Variants in ADAMTS17 observed in about 807,000 individuals in gnomAD.
ADAMTS17 encodes the protein A disintegrin and metalloproteinase with thrombospondin motifs 17.
A neutral mutation model predicts 141.5 loss-of-function variants in ADAMTS17; 113 were observed. That is an observed-to-expected ratio of 0.80 (90% CI 0.69 to 0.93). The LOEUF is 0.93. Among genes scored for constraint, ADAMTS17 ranks in the 40% least tolerant of loss-of-function variants. The probability of loss-of-function intolerance (pLI) is 0.00; values close to 1 mark genes in which losing one functional copy is unlikely to be tolerated. For synonymous variants in ADAMTS17, 768 were observed against 630.6 expected (o/e 1.22, Z -3.27); for missense variants, 1,659 against 1,517.9 (o/e 1.09, Z -1.54).
chr15:100,046,162 T>A (rs1226788199), intron 18 of ADAMTS17, among the ~76,000 whole-genome samples: 2 of 152,232 alleles, frequency 1.3e-5, no homozygotes, highest in Non-Finnish European at 2.9e-5. Flanking sequence ...ATTACAGGTG[T>A]GTGCCCCCTC....
At chr15:100,336,685 T>C (rs2046216855) in intron 2 of ADAMTS17, among the ~76,000 whole-genome samples, 1 of 152,200 alleles carries the variant, frequency 6.6e-6, no homozygotes, top group Non-Finnish European at 1.5e-5. Context: ...TTGACAAGAC[T>C]AACTCCTACT....
intron 20 of ADAMTS17, among the ~76,000 whole-genome samples, chr15:99,984,040 A>G (rs1249799080): frequency 6.6e-6 from 1 of 152,168 alleles, no homozygotes; most frequent in Non-Finnish European, 1.5e-5. Context: ...GCTGGGAAAC[A>G]GGAAATGCTT....
chr15:100,003,730 T>G (rs8032785), intron 18 of ADAMTS17, among the ~76,000 whole-genome samples: 1,693 of 152,238 alleles, frequency 0.011, 64 homozygotes, highest in African/African-American at 0.039. Context: ...TGCTACAACA[T>G]GGATGAGCTT....
At chr15:99,976,727 G>A in intron 20 of ADAMTS17, 1 of 208,692 alleles carries the variant, frequency 4.8e-6, no homozygotes. Flanking sequence ...CTGTAAATCG[G>A]GGAGGGTCTT....
At chr15:100,286,977 C>T (rs2044467639) in intron 3 of ADAMTS17, among the ~76,000 whole-genome samples, 1 of 152,222 alleles carries the variant, frequency 6.6e-6, no homozygotes, top group South Asian at 2.1e-4. Flanking sequence ...ATCACAAGGT[C>T]AAGAGATCGA....
At chr15:100,270,815 A>G (rs2043882376) in intron 4 of ADAMTS17, among the ~76,000 whole-genome samples, 1 of 67,352 alleles carries the variant, frequency 1.5e-5, no homozygotes, top group African/African-American at 5.6e-5. Flanking sequence ...GACATTAAAT[A>G]TATTCACACT....
At chr15:100,186,994 T>C (rs1272479986) in intron 8 of ADAMTS17, among the ~76,000 whole-genome samples, 4 of 152,208 alleles carry the variant, frequency 2.6e-5, no homozygotes, top group Admixed American at 6.5e-5. Context: ...TCTTCCACAA[T>C]TATCAATGTG....
At chr15:100,024,950 GT>G (rs2061477470) in intron 18 of ADAMTS17, among the ~76,000 whole-genome samples, 1 of 152,212 alleles carries the variant, frequency 6.6e-6, no homozygotes, top group Non-Finnish European at 1.5e-5. Flanking sequence ...CAGATGTTGT[GT>G]GCTTTAGTCT....
intron 20 of ADAMTS17, among the ~76,000 whole-genome samples, chr15:99,981,197 C>T (rs951080207): frequency 5.9e-5 from 9 of 152,344 alleles, no homozygotes; most frequent in Non-Finnish European, 8.8e-5. Context: ...CTGCCCATCT[C>T]CACCATTTAC....
chr15:100,119,823 C>A (rs890948220), intron 12 of ADAMTS17, among the ~76,000 whole-genome samples: 2 of 152,210 alleles, frequency 1.3e-5, no homozygotes, highest in Admixed American at 1.3e-4. Context: ...GCCCCGTAAT[C>A]CCCACTTCCC....
Position 99,976,239 on chromosome 15 carries a change from G to T in ADAMTS17, c.2950-17C>A. 6.5e-7 allele frequency: 1 copy of T among 1,540,992 alleles called. No homozygotes were observed. Among genetic ancestry groups the T allele is most frequent in the Non-Finnish European group, 8.7e-7 (1 of 1,146,198 alleles). ...CGACGAGCACTGCAGAGACAGGACA[G>T]CCTGAGTGGGGCTGACATGAGGTCA... On this transcript the variant is annotated splice_polypyrimidine_tract_variant and intron_variant, in intron 20 of 21. Transcript: ENST00000268070.
At chr15:100,323,802 A>C (rs977233009) in intron 3 of ADAMTS17, among the ~76,000 whole-genome samples, 2 of 152,222 alleles carry the variant, frequency 1.3e-5, no homozygotes, top group Admixed American at 6.5e-5. Context: ...CAAGCTGCAC[A>C]GCATAAAATC....
rs551997917 is a variant in ADAMTS17, at chr15:100,067,762, C to G, written c.2138-13708G>C. On this transcript the variant is annotated intron_variant, in intron 15 of 21. Coordinates refer to ENST00000268070, the MANE Select transcript of ADAMTS17 (RefSeq NM_139057.4). ...TTATTAATTTGTACAAAAAATGCAA[C>G]TGGAAAAAAAAGAGCCAAGATGGCC... Among the ~76,000 whole-genome samples, 24 of 152,096 alleles carry G rather than the reference C, an allele frequency of 1.6e-4. No homozygotes were observed. In the South Asian group the frequency reaches 4.2e-3, roughly 26 times the overall value.
chr15:100,109,116 T>A lies in ADAMTS17; in HGVS notation c.1889A>T (p.Asp630Val), dbSNP rs139347926. The A allele has an allele frequency of 6.2e-7, 1 of 1,610,660 alleles. No individual in the cohort carries two copies. Among genetic ancestry groups the A allele is most frequent in the Non-Finnish European group, 8.5e-7 (1 of 1,178,468 alleles). The change falls in exon 14 of 22, where the codon GAT becomes GTT. Residue 630 changes from aspartate to valine, a missense_variant and splice_region_variant. Physicochemically the swap from Asp to Val is radical, Grantham distance 152. Transcript: ENST00000268070. The part of the protein sequence containing the change: ...KGLLTAVVVD[D>V]KPCELYCSPL... ...CGAGCAGTAGAGTTCACATGGCTTA[T>A]CTGAGGAGGGAAAGGTTGGAGGACG...
At position 99,997,887 on chromosome 15, in the gene ADAMTS17, C is replaced by T. The variant is rs377758557; in HGVS notation, c.2592-298G>A. On this transcript the variant is annotated intron_variant, in intron 18 of 21. Transcript: ENST00000268070. The surrounding 1 kb of genome is among the most constrained non-coding windows in gnomAD (Gnocchi z 4.7). ...TGTAGGGAATTACGTATCTGCTTGTCGTCATAGGACCTGCTTCTTTCGACA... is the reference window on the plus strand; with the variant it reads ...TGTAGGGAATTACGTATCTGCTTGTTGTCATAGGACCTGCTTCTTTCGACA... Among the ~76,000 whole-genome samples the T allele has an allele frequency of 2.0e-5, 3 of 146,698 alleles. No homozygotes were observed. Among genetic ancestry groups the T allele is most frequent in the Non-Finnish European group, 3.1e-5 (2 of 64,700 alleles).
At chr15:100,266,502 A>T (rs2043721685) in intron 4 of ADAMTS17, among the ~76,000 whole-genome samples, 1 of 152,134 alleles carries the variant, frequency 6.6e-6, no homozygotes, top group Admixed American at 6.5e-5. Context: ...ACTGGAGCCC[A>T]TCCCTCTTCT....
chr15:100,221,756 T>C (rs368674069), intron 7 of ADAMTS17, among the ~76,000 whole-genome samples: 4 of 152,220 alleles, frequency 2.6e-5, no homozygotes, highest in Non-Finnish European at 5.9e-5. Flanking sequence ...CCGGGTGGTC[T>C]GAGAGCTGGT....
chr15:100,274,411 T>C (rs1240199530), intron 4 of ADAMTS17, among the ~76,000 whole-genome samples: 2 of 152,232 alleles, frequency 1.3e-5, no homozygotes, highest in Admixed American at 6.5e-5. Context: ...CTTTTATTAA[T>C]ATATAACATC....
chr15:100,187,593 C>G (rs188560586), intron 8 of ADAMTS17, among the ~76,000 whole-genome samples: 18 of 152,184 alleles, frequency 1.2e-4, no homozygotes, highest in African/African-American at 2.9e-4. Flanking sequence ...AGCATTTGAA[C>G]GTTGCTCTGG....
Sources: allele counts gnomAD v4.1 joint callset (sites outside exome capture counted in the v4.1 genomes callset), GRCh38; gene constraint gnomAD v4.1.1; non-coding constraint Gnocchi (gnomAD v3.1); transcripts MANE v1.5; gene names NCBI Gene and HGNC (gene_info 2026-07-23, HGNC 2026-07-21).